Variants in DOP1B observed in about 807,000 individuals in gnomAD.
The protein encoded by DOP1B is protein DOP1B.
In DOP1B, 174 loss-of-function variants were observed where a neutral mutation model predicts 233.5. That is an observed-to-expected ratio of 0.75 (90% CI 0.66 to 0.85). DOP1B has a LOEUF of 0.85. Ranked by LOEUF, DOP1B falls within the 40% of genes least tolerant of loss-of-function variation. The pLI, the probability that DOP1B is intolerant of heterozygous loss-of-function variation, is 0.00. For missense variants in DOP1B, 2,652 were observed against 2,846.6 expected (o/e 0.93, Z 1.56); for synonymous variants, 1,190 against 1,185.6 (o/e 1.00, Z -0.08).
intron 2 of DOP1B, among the ~76,000 whole-genome samples, chr21:36,193,116 C>CA (rs2066251760): frequency 6.6e-6 from 1 of 152,228 alleles, no homozygotes; most frequent in Non-Finnish European, 1.5e-5. Flanking sequence ...TTGTAAAGAA[C>CA]AGTGTTGAAG....
intron 9 of DOP1B, among the ~76,000 whole-genome samples, chr21:36,215,765 A>C (rs868071945): frequency 1.3e-5 from 2 of 148,352 alleles, no homozygotes; most frequent in Middle Eastern, 3.5e-3. Flanking sequence ...CTGTGATCCC[A>C]GCACTTTGGG....
Position 36,237,310 on chromosome 21 carries a change from C to T in DOP1B, c.2671C>T (p.His891Tyr). The change falls in exon 16 of 37, where the codon CAT becomes TAT. Residue 891 changes from histidine to tyrosine, a missense_variant. Physicochemically the swap from His to Tyr is moderately conservative, Grantham distance 83. This residue lies in a region of DOP1B where 2,617 missense variants were observed against 2,794.3 expected (regional missense o/e 0.94). Transcript: ENST00000691173. ...WNQLNKETREHHVTCVELFYR... is the reference protein window; with the variant it reads ...WNQLNKETREYHVTCVELFYR... ...TCAGCTGAACAAAGAGACCCGGGAG[C>T]ATCACGTCACCTGCGTAGAATTGTT... 1 of 1,614,184 alleles carries T rather than the reference C, an allele frequency of 6.2e-7. No individual in the cohort carries two copies.
intron 9 of DOP1B, among the ~76,000 whole-genome samples, chr21:36,216,689 A>G (rs967168287): frequency 1.4e-4 from 22 of 152,190 alleles, no homozygotes; most frequent in African/African-American, 5.3e-4. Context: ...CAGGGAAAAG[A>G]TCCCCATGTC....
At chr21:36,179,188 A>G (rs557669351) in intron 2 of DOP1B, among the ~76,000 whole-genome samples, 74 of 152,316 alleles carry the variant, frequency 4.9e-4, no homozygotes, top group African/African-American at 1.7e-3. Flanking sequence ...CCATGGATAT[A>G]TACAATTTCT....
chr21:36,262,528 A>T (rs2123640627), intron 24 of DOP1B, among the ~76,000 whole-genome samples: 1 of 152,296 alleles, frequency 6.6e-6, no homozygotes, highest in East Asian at 1.9e-4. Flanking sequence ...AATGCTTTGC[A>T]GCCTTCTGAC....
At chr21:36,269,105 C>G (rs2067259728) in intron 26 of DOP1B, among the ~76,000 whole-genome samples, 1 of 152,228 alleles carries the variant, frequency 6.6e-6, no homozygotes, top group Admixed American at 6.5e-5. Flanking sequence ...CATTGGATTT[C>G]AGACTTAGGG....
At chr21:36,191,521 C>T (rs954018138) in intron 2 of DOP1B, among the ~76,000 whole-genome samples, 2 of 152,210 alleles carry the variant, frequency 1.3e-5, no homozygotes, top group Non-Finnish European at 2.9e-5. Flanking sequence ...CGAGGTGGCT[C>T]ACGCCTGTAA....
At chr21:36,252,079 A>G (rs535939125) in intron 22 of DOP1B, among the ~76,000 whole-genome samples, 65 of 152,068 alleles carry the variant, frequency 4.3e-4, no homozygotes, top group Middle Eastern at 3.4e-3. Context: ...CAAGAGGCTA[A>G]GGTGGGAGGA....
intron 12 of DOP1B, among the ~76,000 whole-genome samples, chr21:36,225,913 C>T (rs2066677189): frequency 6.6e-6 from 1 of 152,176 alleles, no homozygotes; most frequent in African/African-American, 2.4e-5. Flanking sequence ...TTAGGTCAAC[C>T]AGCTGAAGAA....
intron 31 of DOP1B, among the ~76,000 whole-genome samples, chr21:36,280,754 A>T (rs1213631197): frequency 6.6e-6 from 1 of 152,224 alleles, no homozygotes; most frequent in Admixed American, 6.5e-5. Flanking sequence ...CTGTAATCCC[A>T]GCACTTTGGG....
rs779712621 is a variant in DOP1B, at chr21:36,232,886, C to T, written c.2433C>T (p.Asn811=). ...GTGTGACTGACTGCTACCTCCAGAA[C>T]GTGGCCATTTCCACTCTGCTGGAAG... The part of the protein sequence containing the change: ...CCCVTDCYLQ[N]VAISTLLEVI... The change falls in exon 15 of 37, where the codon AAC becomes AAT. Residue 811 remains asparagine (N), a synonymous_variant. Coordinates refer to ENST00000691173, the MANE Select transcript of DOP1B (RefSeq NM_001320714.2). 1.6e-5 allele frequency: 26 copies of T among 1,613,852 alleles called. No individual in the cohort carries two copies. The highest frequency in any genetic ancestry group is 3.3e-4 in the Middle Eastern group (2 of 6,040).
At chr21:36,273,841 C>T (rs367639629) in intron 27 of DOP1B, among the ~76,000 whole-genome samples, 5 of 151,966 alleles carry the variant, frequency 3.3e-5, no homozygotes, top group African/African-American at 7.2e-5. Context: ...TTTGGGAGGC[C>T]GAGGCGGGCG....
intron 2 of DOP1B, among the ~76,000 whole-genome samples, chr21:36,186,676 A>C (rs1601393620): frequency 6.6e-6 from 1 of 152,042 alleles, no homozygotes; most frequent in Non-Finnish European, 1.5e-5. Flanking sequence ...CCACCCCCGG[A>C]GTGTGGGCTT....
rs148756173 is a variant in DOP1B, at chr21:36,199,684, A to G, written c.320+433A>G. On this transcript the variant is annotated intron_variant, in intron 3 of 36. Transcript: ENST00000691173. ...CCCCACCTATGAGTGAGAACATGCCATGTTTGGTTTTTTGTCCTTGCGATA... is the reference window on the plus strand; with the variant it reads ...CCCCACCTATGAGTGAGAACATGCCGTGTTTGGTTTTTTGTCCTTGCGATA... Among the ~76,000 whole-genome samples, 1,421 of 151,362 alleles carry G rather than the reference A, an allele frequency of 9.4e-3. 22 individuals carry two copies. The highest frequency in any genetic ancestry group is 0.032 in the African/African-American group (1,304 of 41,140).
At position 36,211,879 on chromosome 21, in the gene DOP1B, G is replaced by C. The variant is rs2066502075; in HGVS notation, c.781-95G>C. 1.1e-5 allele frequency: 17 copies of C among 1,563,608 alleles called. 2 individuals carry two copies. The South Asian group carries it at 1.7e-4, about 16-fold the overall frequency. ...TAAGGAACCAGCCCATTTTGAGATA[G>C]AGCTTTGCAGACCAGCAAGGAAGGG... is the stretch of plus-strand genomic sequence containing the variant. On this transcript the variant is annotated intron_variant, in intron 6 of 36. Coordinates refer to ENST00000691173, the MANE Select transcript of DOP1B (RefSeq NM_001320714.2).
rs963071094 is a variant in DOP1B at position 36,224,259 on chromosome 21, C to T, written c.1370+909C>T. 3.3e-5 allele frequency among the ~76,000 whole-genome samples: 5 copies of T among 151,958 alleles called. No individual in the cohort carries two copies. In the South Asian group the frequency reaches 1.0e-3, roughly 32 times the overall value. ...CTGCCTCCCAGGTTCAAGCGATCCT[C>T]CCATCCTGGCCTCCTAAATAGCTGA... On this transcript the variant is annotated intron_variant, in intron 11 of 36. Transcript: ENST00000691173.
chr21:36,189,073 A>G (rs1335383376), intron 2 of DOP1B, among the ~76,000 whole-genome samples: 3 of 152,238 alleles, frequency 2.0e-5, no homozygotes, highest in Non-Finnish European at 4.4e-5. Context: ...CGTGTTCCCT[A>G]CACAGAATGC....
chr21:36,275,424 C>G (rs1176925570), intron 27 of DOP1B, among the ~76,000 whole-genome samples: 2 of 151,910 alleles, frequency 1.3e-5, no homozygotes, highest in African/African-American at 4.8e-5. Context: ...CCCAGGAGTT[C>G]GAGACCAGCC....
At chr21:36,182,754 A>C (rs1010854912) in intron 2 of DOP1B, among the ~76,000 whole-genome samples, 2 of 152,160 alleles carry the variant, frequency 1.3e-5, no homozygotes, top group African/African-American at 4.8e-5. Flanking sequence ...GCTTGAGCCC[A>C]CAAGGTTGAG....
Sources: allele counts gnomAD v4.1 joint callset (sites outside exome capture counted in the v4.1 genomes callset), GRCh38; gene constraint gnomAD v4.1.1; regional missense constraint gnomAD v4.1.1; transcripts MANE v1.5; gene names NCBI Gene and HGNC (gene_info 2026-07-23, HGNC 2026-07-21).